Variants in MMP3 observed in about 807,000 individuals in gnomAD.
The protein encoded by MMP3 is matrix metallopeptidase 3.
A neutral mutation model predicts 47.3 loss-of-function variants in MMP3; 46 were observed. The observed-to-expected ratio is 0.97, with a 90% CI of 0.77 to 1.24. The LOEUF (loss-of-function observed/expected upper bound fraction) is 1.24, where lower values mean the gene tolerates loss of function less well. Among genes scored for constraint, MMP3 ranks in the 50% most tolerant of loss-of-function variants. MMP3 has a pLI of 0.00. For synonymous variants in MMP3, 216 were observed against 206.5 expected (o/e 1.05, Z -0.39); for missense variants, 558 against 565.5 (o/e 0.99, Z 0.13).
intron 6 of MMP3, among the ~76,000 whole-genome samples, chr11:102,839,482 A>G (rs782710572): frequency 5.3e-5 from 8 of 152,218 alleles, no homozygotes; most frequent in Non-Finnish European, 1.0e-4. Flanking sequence ...AAATTATTCT[A>G]TCGTGCAAAT....
chr11:102,843,309 T>C (rs1555005908), intron 1 of MMP3, 133 bp downstream of exon 1: 1 of 681,624 alleles, frequency 1.5e-6, no homozygotes, highest in African/African-American at 1.8e-5. Context: ...CTTCCAACAC[T>C]CTATAACTCT....
chr11:102,836,042 C>A lies in MMP3; in HGVS notation c.*84G>T. The A allele has an allele frequency of 9.4e-7, 1 of 1,059,234 alleles. No homozygotes were observed. Among genetic ancestry groups the A allele is most frequent in the Non-Finnish European group, 1.4e-6 (1 of 694,824 alleles). The allele number at this position is 1,059,234 out of a possible 1,614,324, so 65.6% of individuals were successfully genotyped here. A position where few individuals can be genotyped will look rare whatever the true frequency, so the allele number is the denominator to read the frequency against. On this transcript the variant is annotated 3_prime_UTR_variant, in exon 10 of 10. Coordinates refer to ENST00000299855, the MANE Select transcript of MMP3 (RefSeq NM_002422.5). The surrounding 1 kb of genome is among the most constrained non-coding windows in gnomAD (Gnocchi z 4.6). Reference sequence around the variant, plus strand: ...GAGTCACAGCACAGGCAGGAGAAAACGAACATTTCAATTCACAGAGACTTA... The same window carrying A: ...GAGTCACAGCACAGGCAGGAGAAAAAGAACATTTCAATTCACAGAGACTTA...
At chr11:102,841,429 A>T (rs1328871535) in intron 4 of MMP3, among the ~76,000 whole-genome samples, 2 of 152,204 alleles carry the variant, frequency 1.3e-5, no homozygotes, top group Non-Finnish European at 2.9e-5. Flanking sequence ...GACTAAACTC[A>T]CATTTGTACG....
At chr11:102,842,403 G>GTTTTTTTTTT (rs1555005635) in intron 3 of MMP3, 28 bp downstream of exon 3, 2 of 918,446 alleles carry the variant, frequency 2.2e-6, no homozygotes, top group Non-Finnish European at 2.7e-6. Context: ...GTTTTGTTTT[G>GTTTTTTTTTT]CTTTTTTTTT....
In MMP3 at chr11:102,843,438, T is replaced by C. The variant is rs186940419; in HGVS notation, c.105+4A>G. The C allele has an allele frequency of 1.2e-6, 2 of 1,610,878 alleles. No homozygotes were observed. The highest frequency in any genetic ancestry group is 1.7e-5 in the Admixed American group (1 of 59,868). Reference sequence around the variant, plus strand: ...ACCTGGCCAGGTCAGTTAGTGTTAATTACCTGAACAAGGTTCATGCTGGTG... The same window carrying C: ...ACCTGGCCAGGTCAGTTAGTGTTAACTACCTGAACAAGGTTCATGCTGGTG... On this transcript the variant is annotated splice_donor_region_variant and intron_variant, in intron 1 of 9. Transcript: ENST00000299855.
At position 102,842,259 on chromosome 11, in the gene MMP3, A is replaced by G. The variant is rs1555005573; in HGVS notation, c.520T>C (p.Phe174Leu). ...GCCAAAACATTTCCAGGTCCATCAA[A>G]AGGGTAAAAGTCTCCATGTTCTAGT... ...AVREHGDFYP[F>L]DGPGNVLAHA... Residue 174 changes from phenylalanine (F) to leucine (L), a missense_variant, in exon 4 of 10, where the codon TTT becomes CTT. Transcript: ENST00000299855. 6.2e-7 allele frequency: 1 copy of G among 1,605,700 alleles called. No homozygotes were observed. Among genetic ancestry groups the G allele is most frequent in the African/African-American group, 1.3e-5 (1 of 74,392 alleles).
Position 102,837,305 on chromosome 11 carries a change from T to C in MMP3, c.1326A>G (p.Glu442=). The C allele has an allele frequency of 1.2e-6, 2 of 1,613,284 alleles. No individual in the cohort carries two copies. The highest frequency in any genetic ancestry group is 1.7e-6 in the Non-Finnish European group (2 of 1,179,350). The change falls in exon 9 of 10, where the codon GAA becomes GAG. Residue 442 remains glutamate (E), a synonymous_variant. Coordinates refer to ENST00000299855, the MANE Select transcript of MMP3 (RefSeq NM_002422.5). This position sits in a 1 kb window ranked among gnomAD's most constrained non-coding sequence, Gnocchi z 4.4. ...GIDSKIDAVF[E]EFGFFYFFTG... ...CAGTAAGTATCCTCTTACCAAATTC[T>C]TCAAAAACAGCATCAATCTTTGAGT...
rs972998286 is a variant in MMP3, at chr11:102,836,782, A to T, written c.1333+516T>A. The stretch of plus-strand genomic sequence containing the variant: ...CCTCCACTTCCTTACCTTGAGTAGA[A>T]AACAAAATCTTTTTTTTTTTTTAAA... On this transcript the variant is annotated intron_variant, in intron 9 of 9. Transcript: ENST00000299855. The surrounding 1 kb of genome is among the most constrained non-coding windows in gnomAD (Gnocchi z 4.6). The T allele has an allele frequency of 1.3e-5, 3 of 228,070 alleles. No homozygotes were observed. The highest frequency in any genetic ancestry group is 1.8e-5 in the Non-Finnish European group (2 of 113,162). The allele number at this position is 228,070 out of a possible 1,614,324, so 14.1% of individuals were successfully genotyped here. A position where few individuals can be genotyped will look rare whatever the true frequency, so the allele number is the denominator to read the frequency against.
Position 102,843,522 on chromosome 11 carries a change from A to G in MMP3, c.25T>C (p.Leu9=). MKSLPILL[L]LCVAVCSAYP... is the part of the protein sequence containing the mutation. ...GCTGAGCAAACTGCCACGCACAGCAACAGTAGGATTGGAAGACTCTTCATT... is the reference window on the plus strand; with the variant it reads ...GCTGAGCAAACTGCCACGCACAGCAGCAGTAGGATTGGAAGACTCTTCATT... Residue 9 remains leucine (L), a synonymous_variant, in exon 1 of 10, where the codon TTG becomes CTG. Coordinates refer to ENST00000299855, the MANE Select transcript of MMP3 (RefSeq NM_002422.5). 1 of 1,613,546 alleles carries G rather than the reference A, an allele frequency of 6.2e-7. No homozygotes were observed. The highest frequency in any genetic ancestry group is 2.2e-5 in the East Asian group (1 of 44,870).
chr11:102,842,934 GT>G lies in MMP3; in HGVS notation c.106-19del. The G allele has an allele frequency of 1.3e-6, 2 of 1,562,760 alleles. No homozygotes were observed. Among genetic ancestry groups the G allele is most frequent in the Non-Finnish European group, 1.7e-6 (2 of 1,152,900 alleles). On this transcript the variant is annotated intron_variant, in intron 1 of 9. Transcript: ENST00000299855. ...AGATATTTCTAACAGAATAAGTATA[GT>G]TTTTAGGTCACTCTTACAATTTTTA...
intron 8 of MMP3, 29 bp downstream of exon 8, chr11:102,838,522 C>T (rs1858926921): frequency 1.3e-6 from 2 of 1,599,682 alleles, no homozygotes; most frequent in Non-Finnish European, 1.7e-6. Flanking sequence ...AATTAGGCTC[C>T]ATACAAAGTC....
Position 102,840,127 on chromosome 11 carries a change from T to C in MMP3, c.916A>G (p.Ile306Val). The stretch of plus-strand genomic sequence containing the variant: ...CCTGACCTGTCTTTAAAGATCAGGA[T>C]TTCTCCCCTCAGAGTGCTGACAGCA... The part of the protein sequence containing the change: ...FDAVSTLRGE[I>V]LIFKDRHFWR... Residue 306 changes from isoleucine to valine, a missense_variant, in exon 6 of 10, where the codon ATC becomes GTC. Ile to Val is a conservative substitution (Grantham distance 29). Transcript: ENST00000299855. The C allele has an allele frequency of 6.2e-7, 1 of 1,613,674 alleles. No individual in the cohort carries two copies. The highest frequency in any genetic ancestry group is 8.5e-7 in the Non-Finnish European group (1 of 1,179,886).
chr11:102,838,765 C>T (rs1486260339), intron 7 of MMP3, 55 bp from the exon 8 acceptor site: 18 of 1,537,162 alleles, frequency 1.2e-5, no homozygotes, highest in South Asian at 3.6e-5. Context: ...TAAGCCCTTT[C>T]GCTTTAGAAA....
intron 4 of MMP3, 90 bp downstream of exon 4, chr11:102,842,064 A>G: frequency 7.8e-7 from 1 of 1,288,174 alleles, no homozygotes; most frequent in Non-Finnish European, 1.0e-6. Flanking sequence ...AATCCAGAAC[A>G]TCTCATTTCT....
chr11:102,841,852 C>G (rs1040781028), intron 4 of MMP3, among the ~76,000 whole-genome samples: 4 of 152,048 alleles, frequency 2.6e-5, no homozygotes, highest in South Asian at 2.1e-4. Flanking sequence ...TATACTATCC[C>G]TTGAATGTTT....
In MMP3 at chr11:102,837,422, A is replaced by G; in HGVS notation, c.1230-21T>C. The G allele has an allele frequency of 6.4e-7, 1 of 1,571,662 alleles. No individual in the cohort carries two copies. The highest frequency in any genetic ancestry group is 8.8e-7 in the Non-Finnish European group (1 of 1,142,094). On this transcript the variant is annotated intron_variant, in intron 8 of 9. Transcript: ENST00000299855. The surrounding 1 kb of genome is among the most constrained non-coding windows in gnomAD (Gnocchi z 4.4). ...CAAATCTGTACCAAGTAAAAGAAAC[A>G]GCTCAGCATTGCATAGAGGCCATGT... is the stretch of plus-strand genomic sequence containing the variant.
chr11:102,840,631 T>C, intron 4 of MMP3, 38 bp from the exon 5 acceptor site: 1 of 1,603,094 alleles, frequency 6.2e-7, no homozygotes, highest in Non-Finnish European at 8.5e-7. Flanking sequence ...ACTTATTTTT[T>C]AAATACATGT....
At position 102,842,522 on chromosome 11, in the gene MMP3, T is replaced by G; in HGVS notation, c.408A>C (p.Lys136Asn). 1 of 1,609,120 alleles carries G rather than the reference T, an allele frequency of 6.2e-7. No homozygotes were observed. The highest frequency in any genetic ancestry group is 1.1e-5 in the South Asian group (1 of 90,878). Residue 136 changes from lysine to asparagine, a missense_variant, in exon 3 of 10, where the codon AAA (lysine) becomes AAC (asparagine). Transcript: ENST00000299855. ...PKDAVDSAVEKALKVWEEVTP... is the reference protein window; with the variant it reads ...PKDAVDSAVENALKVWEEVTP... The stretch of plus-strand genomic sequence containing the variant: ...TCACCTCTTCCCAGACTTTCAGAGC[T>G]TTCTCAACAGCAGAATCAACAGCAT...
Position 102,839,112 on chromosome 11 carries a change from T to C in MMP3, c.1067A>G (p.Lys356Arg). 6.2e-7 allele frequency: 1 copy of C among 1,611,802 alleles called. No homozygotes were observed. Among genetic ancestry groups the C allele is most frequent in the Non-Finnish European group, 8.5e-7 (1 of 1,179,422 alleles). ...VTSKDLVFIF[K>R]GNQFWAIRGN... ...ACAAATGATGATATAGTAATTACCT[T>C]TAAAAATGAAAACGAGGTCCTTGCT... is the stretch of plus-strand genomic sequence containing the variant. Residue 356 changes from lysine (K) to arginine (R), a missense_variant and splice_region_variant, in exon 7 of 10, where the codon AAA becomes AGA. Lys to Arg is a conservative substitution (Grantham distance 26). Coordinates refer to ENST00000299855, the MANE Select transcript of MMP3 (RefSeq NM_002422.5).
Sources: allele counts gnomAD v4.1 joint callset (sites outside exome capture counted in the v4.1 genomes callset), GRCh38; gene constraint gnomAD v4.1.1; non-coding constraint Gnocchi (gnomAD v3.1); transcripts MANE v1.5; gene names NCBI Gene and HGNC (gene_info 2026-07-23, HGNC 2026-07-21).